The following DCLK1 variants were observed in gnomAD, a reference collection of about 807,000 sequenced individuals.
DCLK1 encodes the protein doublecortin like kinase 1.
Under a neutral mutation model 86.2 loss-of-function variants are expected in DCLK1, and 16 were observed. That is an observed-to-expected ratio of 0.19 (90% CI 0.13 to 0.28). The LOEUF (loss-of-function observed/expected upper bound fraction) is 0.28, where lower values mean the gene tolerates loss of function less well. Ranked by LOEUF, DCLK1 falls within the 10% of genes least tolerant of loss-of-function variation. The pLI, the probability that DCLK1 is intolerant of heterozygous loss-of-function variation, is 1.00. For missense variants in DCLK1, 590 were observed against 940.2 expected (o/e 0.63, Z 4.87); for synonymous variants, 369 against 370.5 (o/e 1.00, Z 0.05).
intron 3 of DCLK1, among the ~76,000 whole-genome samples, chr13:35,955,111 T>C (rs1388333913): frequency 1.3e-5 from 2 of 152,286 alleles, no homozygotes; most frequent in East Asian, 1.9e-4. Context: ...GCACCCTTTA[T>C]GCATGGATCA....
intron 3 of DCLK1, among the ~76,000 whole-genome samples, chr13:35,987,423 T>C (rs952052082): frequency 6.6e-6 from 1 of 152,142 alleles, no homozygotes; most frequent in South Asian, 2.1e-4. Flanking sequence ...AATTTTCTAC[T>C]GAGAGCAGTG....
chr13:36,088,625 C>T (rs112450647), intron 3 of DCLK1, among the ~76,000 whole-genome samples: 72 of 152,298 alleles, frequency 4.7e-4, no homozygotes, highest in African/African-American at 1.7e-3. Flanking sequence ...CAGGCAGCCT[C>T]GTGCCCCAGA....
chr13:36,043,110 C>A (rs1882751020), intron 3 of DCLK1, among the ~76,000 whole-genome samples: 1 of 152,042 alleles, frequency 6.6e-6, no homozygotes, highest in African/African-American at 2.4e-5. Flanking sequence ...TAAAAAAATT[C>A]TTGAACTTCC....
At chr13:35,949,003 A>G (rs1877527960) in intron 3 of DCLK1, among the ~76,000 whole-genome samples, 1 of 152,058 alleles carries the variant, frequency 6.6e-6, no homozygotes, top group African/African-American at 2.4e-5. Context: ...CATCATCTCA[A>G]TCAACCCCCT....
intron 4 of DCLK1, among the ~76,000 whole-genome samples, chr13:35,904,947 C>A (rs1384823231): frequency 2.0e-5 from 3 of 152,200 alleles, no homozygotes; most frequent in African/African-American, 7.2e-5. Context: ...GTTGTCACAA[C>A]CTGAAACTAT....
At chr13:35,929,958 G>T (rs74046158) in intron 4 of DCLK1, among the ~76,000 whole-genome samples, 2,193 of 151,212 alleles carry the variant, frequency 0.015, 58 homozygotes, top group African/African-American at 0.05. Flanking sequence ...GAGCCATAGA[G>T]TATCAGTATC....
chr13:35,853,974 A>G (rs989943182), intron 6 of DCLK1, among the ~76,000 whole-genome samples: 3 of 152,166 alleles, frequency 2.0e-5, no homozygotes, highest in African/African-American at 7.2e-5. Flanking sequence ...GTGGTCTCCA[A>G]GCTCAGCCAA....
In DCLK1 at chr13:36,069,889, AGCAT is replaced by A. The variant is rs1303956897; in HGVS notation, c.723+41976_723+41979del. On this transcript the variant is annotated intron_variant, in intron 3 of 16. Coordinates refer to ENST00000360631, the MANE Select transcript of DCLK1 (RefSeq NM_001330071.2). ...ACCTTAAAATTAACACTAGAGCAACAGCATCCATCAGCGATAGGATTGAACTAGA... is the reference window on the plus strand; with the variant it reads ...ACCTTAAAATTAACACTAGAGCAACACCATCAGCGATAGGATTGAACTAGA... Among the ~76,000 whole-genome samples the A allele has an allele frequency of 1.9e-4, 29 of 152,316 alleles. No homozygotes were observed. The East Asian group carries it at 4.8e-3, about 25-fold the overall frequency.
At chr13:35,921,502 A>G (rs1399732518) in intron 4 of DCLK1, among the ~76,000 whole-genome samples, 2 of 152,118 alleles carry the variant, frequency 1.3e-5, no homozygotes, top group Non-Finnish European at 2.9e-5. Flanking sequence ...TTAGATCCAC[A>G]ATGCATGGTC....
chr13:36,020,969 T>G (rs1295680131), intron 3 of DCLK1, among the ~76,000 whole-genome samples: 2 of 152,164 alleles, frequency 1.3e-5, no homozygotes, highest in African/African-American at 4.8e-5. Context: ...TATATAAGTA[T>G]GTAAATGTGA....
At chr13:36,038,503 A>G (rs553339032) in intron 3 of DCLK1, among the ~76,000 whole-genome samples, 5 of 152,344 alleles carry the variant, frequency 3.3e-5, no homozygotes, top group East Asian at 3.9e-4. Context: ...CAAAGGAGCA[A>G]TGATATTCTT....
At chr13:35,843,830 C>T (rs1308691876) in intron 6 of DCLK1, among the ~76,000 whole-genome samples, 1 of 152,096 alleles carries the variant, frequency 6.6e-6, no homozygotes, top group Non-Finnish European at 1.5e-5. Flanking sequence ...ATTTCTGAAT[C>T]AATCTTATAA....
chr13:35,927,152 T>C (rs565170653), intron 4 of DCLK1, among the ~76,000 whole-genome samples: 1 of 152,370 alleles, frequency 6.6e-6, no homozygotes, highest in Admixed American at 6.5e-5. Context: ...TTAGGAATTT[T>C]ATGGAGCAAA....
intron 4 of DCLK1, among the ~76,000 whole-genome samples, chr13:35,888,785 A>G (rs1873456074): frequency 6.6e-6 from 1 of 152,232 alleles, no homozygotes; most frequent in Non-Finnish European, 1.5e-5. Flanking sequence ...TCGTTGGCTA[A>G]GTAATTCACA....
chr13:35,841,234 T>C (rs1202883775), intron 6 of DCLK1, among the ~76,000 whole-genome samples: 1 of 152,194 alleles, frequency 6.6e-6, no homozygotes, highest in Non-Finnish European at 1.5e-5. Context: ...CAGTAGCATG[T>C]TTCCTAGCAA....
intron 6 of DCLK1, among the ~76,000 whole-genome samples, chr13:35,844,320 G>A (rs1870023377): frequency 6.6e-6 from 1 of 152,220 alleles, no homozygotes; most frequent in African/African-American, 2.4e-5. Flanking sequence ...AATGGAAACA[G>A]TGGTGTTATG....
chr13:36,119,042 G>T (rs571673580), intron 2 of DCLK1, among the ~76,000 whole-genome samples: 1 of 152,262 alleles, frequency 6.6e-6, no homozygotes, highest in South Asian at 2.1e-4. Flanking sequence ...TTTTGAGGGG[G>T]TCCCAAACAT....
intron 8 of DCLK1, among the ~76,000 whole-genome samples, chr13:35,829,306 A>G (rs1382135990): frequency 6.6e-6 from 1 of 152,236 alleles, no homozygotes; most frequent in Non-Finnish European, 1.5e-5. Flanking sequence ...TAAAGGGCAC[A>G]ATGCATACTT....
chr13:36,046,433 G>T (rs1456187149), intron 3 of DCLK1, among the ~76,000 whole-genome samples: 1 of 152,124 alleles, frequency 6.6e-6, no homozygotes, highest in East Asian at 1.9e-4. Flanking sequence ...TCCATGACTT[G>T]GTGATACTTT....
Sources: allele counts gnomAD v4.1 joint callset (sites outside exome capture counted in the v4.1 genomes callset), GRCh38; gene constraint gnomAD v4.1.1; transcripts MANE v1.5; gene names NCBI Gene and HGNC (gene_info 2026-07-23, HGNC 2026-07-21).